GRID1: variants seen among roughly 807,000 people sequenced by gnomAD.
The protein encoded by GRID1 is glutamate ionotropic receptor delta type subunit 1.
A neutral mutation model predicts 98.0 loss-of-function variants in GRID1; 28 were observed. The observed-to-expected ratio is 0.29, with a 90% CI of 0.21 to 0.39. The LOEUF is 0.39. Among genes scored for constraint, GRID1 ranks in the 10% least tolerant of loss-of-function variants. The probability of loss-of-function intolerance (pLI) is 1.00; values close to 1 mark genes in which losing one functional copy is unlikely to be tolerated. For synonymous variants in GRID1, 553 were observed against 538.5 expected, an observed-to-expected ratio of 1.03 and a Z score of -0.37; for missense variants, 1,111 against 1,340.5, an observed-to-expected ratio of 0.83 and a Z score of 2.67.
intron 8 of GRID1, among the ~76,000 whole-genome samples, chr10:85,770,538 G>A (rs1232422389): frequency 6.6e-6 from 1 of 152,148 alleles, no homozygotes; most frequent in African/African-American, 2.4e-5. Context: ...AGCTACAGGA[G>A]GAAATTCAAA....
chr10:85,969,572 G>C (rs917887013), intron 4 of GRID1, among the ~76,000 whole-genome samples: 1 of 152,018 alleles, frequency 6.6e-6, no homozygotes, highest in Admixed American at 6.6e-5. Context: ...GTGGAAATTA[G>C]ACCACAAACC....
chr10:86,338,778 G>A (rs1233244019), intron 2 of GRID1, among the ~76,000 whole-genome samples: 1 of 152,044 alleles, frequency 6.6e-6, no homozygotes, highest in Non-Finnish European at 1.5e-5. Flanking sequence ...GGCTGATCTT[G>A]AACTCCTGAC....
chr10:86,179,890 C>T (rs1421679775), intron 3 of GRID1, among the ~76,000 whole-genome samples: 2 of 152,140 alleles, frequency 1.3e-5, no homozygotes, highest in Non-Finnish European at 2.9e-5. Flanking sequence ...AAGAGGAGGC[C>T]CACATTTATT....
At chr10:86,005,820 A>G (rs1014537396) in intron 4 of GRID1, among the ~76,000 whole-genome samples, 1 of 152,254 alleles carries the variant, frequency 6.6e-6, no homozygotes, top group Non-Finnish European at 1.5e-5. Context: ...CAAGAGAACT[A>G]TTGAAACACA....
At chr10:86,255,216 A>G (rs764769104) in intron 2 of GRID1, among the ~76,000 whole-genome samples, 47 of 152,222 alleles carry the variant, frequency 3.1e-4, no homozygotes, top group Non-Finnish European at 6.3e-4. Flanking sequence ...CTTTATTTTC[A>G]AATATTCTGT....
chr10:86,344,532 T>C (rs553049216), intron 2 of GRID1, among the ~76,000 whole-genome samples: 7 of 152,168 alleles, frequency 4.6e-5, no homozygotes, highest in Non-Finnish European at 7.4e-5. Flanking sequence ...AGGTGCTGCC[T>C]CTGAGGCCGT....
intron 2 of GRID1, among the ~76,000 whole-genome samples, chr10:86,239,785 C>T (rs1459921756): frequency 6.6e-6 from 1 of 152,182 alleles, no homozygotes; most frequent in Admixed American, 6.6e-5. Flanking sequence ...CCTAACCATG[C>T]CTCATATACA....
chr10:85,929,748 C>T (rs987214466), intron 4 of GRID1, among the ~76,000 whole-genome samples: 1 of 151,926 alleles, frequency 6.6e-6, no homozygotes, highest in Non-Finnish European at 1.5e-5. Flanking sequence ...GGTCCTAATG[C>T]CACTCCCAGT....
chr10:86,085,681 C>T (rs2131933963), intron 4 of GRID1, among the ~76,000 whole-genome samples: 2 of 152,276 alleles, frequency 1.3e-5, no homozygotes, highest in Middle Eastern at 6.8e-3. Context: ...CAGGTGGCAG[C>T]TCAGAGCTGT....
At position 86,070,054 on chromosome 10, in the gene GRID1, G is replaced by A. The variant is rs7912451; in HGVS notation, c.726+68765C>T. Among the ~76,000 whole-genome samples, 202 of 152,268 alleles carry A rather than the reference G, an allele frequency of 1.3e-3. 1 individual carries two copies. Among genetic ancestry groups the A allele is most frequent in the African/African-American group, 4.4e-3 (182 of 41,532 alleles). On this transcript the variant is annotated intron_variant, in intron 4 of 15. Coordinates refer to ENST00000327946, the MANE Select transcript of GRID1 (RefSeq NM_017551.3). ...CCAGGAGCCTGGGTAGAGAGGTGCT[G>A]TGGTTGTGCCAGCTCTTTGGAGTTT... is the stretch of plus-strand genomic sequence containing the variant.
intron 4 of GRID1, among the ~76,000 whole-genome samples, chr10:86,126,592 T>C (rs1208093236): frequency 6.6e-6 from 1 of 152,256 alleles, no homozygotes; most frequent in Admixed American, 6.5e-5. Flanking sequence ...GTTAATGAGC[T>C]TAAGTTGACA....
At chr10:85,995,260 C>T (rs1842727413) in intron 4 of GRID1, among the ~76,000 whole-genome samples, 1 of 152,170 alleles carries the variant, frequency 6.6e-6, no homozygotes, top group Non-Finnish European at 1.5e-5. Flanking sequence ...ATCAGCAATC[C>T]TGTATTTTAT....
chr10:86,179,963 C>G (rs949842660), intron 3 of GRID1, among the ~76,000 whole-genome samples: 1 of 152,176 alleles, frequency 6.6e-6, no homozygotes, highest in Non-Finnish European at 1.5e-5. Context: ...AAGAATGAGT[C>G]CAGAAAGACG....
At chr10:86,101,625 C>T (rs7918518) in intron 4 of GRID1, among the ~76,000 whole-genome samples, 52,123 of 149,408 alleles carry the variant, frequency 0.35, 11,201 homozygotes, top group African/African-American at 0.62. Flanking sequence ...GTTTGTTTTT[C>T]ATTATTCCTT....
intron 3 of GRID1, among the ~76,000 whole-genome samples, chr10:86,169,831 G>T (rs1045915111): frequency 1.3e-5 from 2 of 152,182 alleles, no homozygotes; most frequent in African/African-American, 2.4e-5. Flanking sequence ...GAGATTTACC[G>T]CTGAAACAGC....
chr10:86,111,355 A>T (rs1273821872), intron 4 of GRID1, among the ~76,000 whole-genome samples: 1 of 152,024 alleles, frequency 6.6e-6, no homozygotes, highest in Non-Finnish European at 1.5e-5. Context: ...ACTTGGGGCA[A>T]CCATCCAATC....
chr10:85,966,813 CAA>C (rs71016118), intron 4 of GRID1, among the ~76,000 whole-genome samples: 1 of 136,758 alleles, frequency 7.3e-6, no homozygotes. Context: ...GACTCCACCT[CAA>C]AAAAAAAAAA....
chr10:85,915,708 TAC>T lies in GRID1; in HGVS notation c.780+476_780+477del, dbSNP rs201777814. Among the ~76,000 whole-genome samples the T allele has an allele frequency of 1.9e-3, 282 of 151,548 alleles. 1 individual carries two copies. Among genetic ancestry groups the T allele is most frequent in the Middle Eastern group, 3.4e-3 (1 of 292 alleles). On this transcript the variant is annotated intron_variant, in intron 5 of 15. Coordinates refer to ENST00000327946, the MANE Select transcript of GRID1 (RefSeq NM_017551.3). ...CACACTCACATCATAAACACAGACA[TAC>T]ACACACACACCTGGATTCACACTCT...
At chr10:85,679,291 C>A (rs540641635) in intron 12 of GRID1, among the ~76,000 whole-genome samples, 1 of 152,328 alleles carries the variant, frequency 6.6e-6, no homozygotes, top group Admixed American at 6.5e-5. Context: ...TCTGCCATAC[C>A]TAAAATATGA....
Sources: allele counts gnomAD v4.1 joint callset (sites outside exome capture counted in the v4.1 genomes callset), GRCh38; gene constraint gnomAD v4.1.1; transcripts MANE v1.5; gene names NCBI Gene and HGNC (gene_info 2026-07-23, HGNC 2026-07-21).